TTC7B: variants seen among roughly 807,000 people sequenced by gnomAD.
The protein encoded by TTC7B is tetratricopeptide repeat protein 7B.
Under a neutral mutation model 106.8 loss-of-function variants are expected in TTC7B, and 28 were observed. That is an observed-to-expected ratio of 0.26 (90% CI 0.19 to 0.36). TTC7B has a LOEUF of 0.36. Ranked by LOEUF, TTC7B falls within the 10% of genes least tolerant of loss-of-function variation. The probability of loss-of-function intolerance (pLI) is 1.00; values close to 1 mark genes in which losing one functional copy is unlikely to be tolerated. For synonymous variants in TTC7B, 405 were observed against 430.6 expected, an observed-to-expected ratio of 0.94 and a Z score of 0.74; for missense variants, 862 against 1,076.4, an observed-to-expected ratio of 0.80 and a Z score of 2.79.
intron 16 of TTC7B, among the ~76,000 whole-genome samples, chr14:90,616,463 A>G (rs1477354970): frequency 1.3e-5 from 2 of 149,158 alleles, no homozygotes; most frequent in African/African-American, 4.9e-5. Flanking sequence ...GCCCAGCAGC[A>G]CAGCGCCGCG....
At chr14:90,569,153 C>G (rs1890920673) in intron 19 of TTC7B, among the ~76,000 whole-genome samples, 1 of 152,206 alleles carries the variant, frequency 6.6e-6, no homozygotes, top group Admixed American at 6.5e-5. Context: ...TATCTCCTCC[C>G]CAGAGGAGCC....
chr14:90,570,611 C>A lies in TTC7B; in HGVS notation c.2310+7495G>T, dbSNP rs991687928. ...CACGCACCGAGATATATTCTCATTT[C>A]GGCTCCTCCAACCAGTGAAAGTCAG... On this transcript the variant is annotated intron_variant, in intron 19 of 19. Transcript: ENST00000328459. The surrounding 1 kb of genome is among the most constrained non-coding windows in gnomAD (Gnocchi z 4.0). Among the ~76,000 whole-genome samples, 1 of 152,112 alleles carries A rather than the reference C, an allele frequency of 6.6e-6. No individual in the cohort carries two copies. The highest frequency in any genetic ancestry group is 2.1e-4 in the South Asian group (1 of 4,832).
chr14:90,572,698 C>T (rs1446919951), intron 19 of TTC7B, among the ~76,000 whole-genome samples: 1 of 152,222 alleles, frequency 6.6e-6, no homozygotes, highest in East Asian at 1.9e-4. Flanking sequence ...TCTCACAATC[C>T]GTCCACAGAA....
chr14:90,694,796 TTTA>T (rs1887632441), intron 6 of TTC7B, among the ~76,000 whole-genome samples: 2 of 137,184 alleles, frequency 1.5e-5, no homozygotes, highest in Admixed American at 7.5e-5. Context: ...TTATATACAT[TTTA>T]TTATAAAACA....
intron 19 of TTC7B, among the ~76,000 whole-genome samples, chr14:90,576,304 A>T (rs1173511541): frequency 6.6e-6 from 1 of 152,200 alleles, no homozygotes. Context: ...GCTCTTTACA[A>T]ATTCCTCTTC....
At chr14:90,719,931 C>A (rs951231903) in intron 5 of TTC7B, among the ~76,000 whole-genome samples, 4 of 152,104 alleles carry the variant, frequency 2.6e-5, no homozygotes, top group African/African-American at 7.2e-5. Context: ...GCTTGTTCAA[C>A]CTGTGGCCCA....
intron 19 of TTC7B, among the ~76,000 whole-genome samples, chr14:90,568,159 G>A (rs868325456): frequency 6.6e-6 from 1 of 152,196 alleles, no homozygotes; most frequent in Non-Finnish European, 1.5e-5. Context: ...GCGGTGTGGG[G>A]GATGGGGGTG....
intron 3 of TTC7B, among the ~76,000 whole-genome samples, chr14:90,749,065 G>T (rs780317398): frequency 6.6e-6 from 1 of 152,136 alleles, no homozygotes; most frequent in African/African-American, 2.4e-5. Flanking sequence ...CTGCTTCACC[G>T]TATTCTCACT....
At chr14:90,655,722 T>C (rs896523967) in intron 11 of TTC7B, among the ~76,000 whole-genome samples, 4 of 152,190 alleles carry the variant, frequency 2.6e-5, no homozygotes, top group Non-Finnish European at 5.9e-5. Context: ...ATTTGTTCCA[T>C]TGAAGTATGG....
At chr14:90,583,830 A>G (rs1891607550) in intron 18 of TTC7B, among the ~76,000 whole-genome samples, 1 of 152,048 alleles carries the variant, frequency 6.6e-6, no homozygotes, top group Admixed American at 6.6e-5. Flanking sequence ...ATGTGGATAA[A>G]ATCTCCCCAC....
At chr14:90,644,259 A>G (rs200679030) in intron 14 of TTC7B, 51 bp from the exon 15 acceptor site, 102 of 1,087,986 alleles carry the variant, frequency 9.4e-5, no homozygotes, top group South Asian at 4.8e-4. Flanking sequence ...ATGCACACGC[A>G]CACACACACA....
chr14:90,652,231 T>G (rs1885750683), intron 13 of TTC7B, among the ~76,000 whole-genome samples: 1 of 152,176 alleles, frequency 6.6e-6, no homozygotes, highest in Non-Finnish European at 1.5e-5. Flanking sequence ...CTGTCCGTCT[T>G]CCTCACTTGT....
intron 7 of TTC7B, 117 bp from the exon 8 acceptor site, chr14:90,680,652 A>G: frequency 1.4e-6 from 1 of 690,698 alleles, no homozygotes; most frequent in South Asian, 1.8e-5. Context: ...AAAATACTGT[A>G]TAATTTGGAC....
chr14:90,646,673 T>C (rs575597101), intron 14 of TTC7B: 30 of 437,690 alleles, frequency 6.9e-5, no homozygotes, highest in Non-Finnish European at 1.1e-4. Context: ...ATATGCCATG[T>C]GCTGCTCCCC....
intron 3 of TTC7B, among the ~76,000 whole-genome samples, chr14:90,780,136 C>T (rs1740293201): frequency 6.6e-6 from 1 of 152,058 alleles, no homozygotes; most frequent in African/African-American, 2.4e-5. Flanking sequence ...AATCCCAGCA[C>T]TTTGGGAGGC....
intron 19 of TTC7B, among the ~76,000 whole-genome samples, chr14:90,576,235 A>C (rs929267404): frequency 1.2e-4 from 19 of 152,154 alleles, no homozygotes; most frequent in African/African-American, 4.6e-4. Context: ...AAAGGCTGGG[A>C]CATGGCGGGG....
intron 2 of TTC7B, 132 bp downstream of exon 2, chr14:90,786,042 C>T: frequency 9.0e-7 from 1 of 1,105,814 alleles, no homozygotes; most frequent in Non-Finnish European, 1.2e-6. Flanking sequence ...TGGGAGCTGG[C>T]CCGCTTCTAA....
chr14:90,780,470 A>AAAAGAAAGAAAGAAAG (rs34296215), intron 3 of TTC7B, among the ~76,000 whole-genome samples: 3,481 of 146,416 alleles, frequency 0.024, 171 homozygotes, highest in African/African-American at 0.08. Context: ...GAAAGAAAGA[A>AAAAGAAAGAAAGAAAG]AAAGAAAGAA....
chr14:90,627,417 C>G (rs1233237831), intron 15 of TTC7B, among the ~76,000 whole-genome samples: 1 of 152,228 alleles, frequency 6.6e-6, no homozygotes, highest in African/African-American at 2.4e-5. Context: ...AAGGCTGCAT[C>G]ATCCTAACCT....
Sources: gnomAD v4.1 joint callset for allele counts (sites outside exome capture counted in the v4.1 genomes callset) on GRCh38, gnomAD v4.1.1 for gene constraint, Gnocchi (gnomAD v3.1) non-coding constraint, MANE v1.5 for transcripts, NCBI Gene and HGNC (gene_info 2026-07-23, HGNC 2026-07-21) for gene names.